Variants in FBXO34 observed in about 807,000 individuals in gnomAD.
FBXO34 encodes F-box only protein 34.
FBXO34 carries 12 observed loss-of-function variants against 24.5 expected under a neutral mutation model. The observed-to-expected ratio is 0.49, with a 90% CI of 0.31 to 0.79. The LOEUF (loss-of-function observed/expected upper bound fraction) is 0.79. Among genes scored for constraint, FBXO34 ranks in the 30% least tolerant of loss-of-function variants. The pLI is 0.04. For missense variants in FBXO34, 823 were observed against 857.7 expected (o/e 0.96, Z 0.51); for synonymous variants, 320 against 311.9 (o/e 1.03, Z -0.27).
At chr14:55,426,907 G>A in the FBXO34 span, among the ~76,000 whole-genome samples, 1 of 151,974 alleles carries the variant, frequency 6.6e-6, no homozygotes, top group Non-Finnish European at 1.5e-5. Context: ...GGAAGATGCT[G>A]GTGAAAAAGA....
At chr14:55,299,679 TTAAAA>T (rs1882279501) in intron 1 of FBXO34, among the ~76,000 whole-genome samples, 1 of 152,186 alleles carries the variant, frequency 6.6e-6, no homozygotes, top group East Asian at 1.9e-4. Flanking sequence ...ATCTAAAATA[TTAAAA>T]TAAATATTGA....
chr14:55,341,277 A>AT (rs1240750288), intron 1 of FBXO34, among the ~76,000 whole-genome samples: 2 of 152,138 alleles, frequency 1.3e-5, no homozygotes, highest in African/African-American at 4.8e-5. Context: ...CACCTGGGGG[A>AT]TGGTGGAAAA....
chr14:55,370,614 G>A (rs1388304941), downstream of FBXO34, among the ~76,000 whole-genome samples: 1 of 151,614 alleles, frequency 6.6e-6, no homozygotes, highest in Non-Finnish European at 1.5e-5. Context: ...AGGGAACCGA[G>A]TCAGCAAACC....
intron 1 of FBXO34, among the ~76,000 whole-genome samples, chr14:55,283,712 G>T (rs1485523810): frequency 6.6e-6 from 1 of 151,938 alleles, no homozygotes; most frequent in Non-Finnish European, 1.5e-5. Flanking sequence ...GCCTGCTTTG[G>T]CCTCCCAAAG....
chr14:55,405,046 T>C, the FBXO34 span, among the ~76,000 whole-genome samples: 1 of 152,204 alleles, frequency 6.6e-6, no homozygotes, highest in East Asian at 1.9e-4. Flanking sequence ...CAGATCCACA[T>C]TTTCTGGTGG....
At chr14:55,276,594 C>G (rs909296228) in intron 1 of FBXO34, among the ~76,000 whole-genome samples, 1 of 151,640 alleles carries the variant, frequency 6.6e-6, no homozygotes, top group Non-Finnish European at 1.5e-5. Flanking sequence ...TCTCTCGGCC[C>G]CGAGGAAGGG....
At chr14:55,415,681 A>G in the FBXO34 span, among the ~76,000 whole-genome samples, 1 of 152,120 alleles carries the variant, frequency 6.6e-6, no homozygotes, top group Non-Finnish European at 1.5e-5. Context: ...CCTGGCCAAC[A>G]CGGCGAAACC....
downstream of FBXO34, chr14:55,366,304 A>T (rs562698824): frequency 3.3e-5 from 5 of 152,778 alleles, no homozygotes; most frequent in South Asian, 2.1e-4. Flanking sequence ...ATTTGTATAA[A>T]GTACTCCAGG....
intron 1 of FBXO34, among the ~76,000 whole-genome samples, chr14:55,277,340 G>A (rs553453752): frequency 6.6e-6 from 1 of 152,248 alleles, no homozygotes; most frequent in South Asian, 2.1e-4. Flanking sequence ...TTTGTTTTTT[G>A]AGACAGTCTC....
the FBXO34 span, among the ~76,000 whole-genome samples, chr14:55,382,968 T>C: frequency 2.0e-5 from 3 of 152,232 alleles, no homozygotes; most frequent in Admixed American, 6.5e-5. Flanking sequence ...AACAAAAAAT[T>C]AGTAAAGAGT....
downstream of FBXO34, chr14:55,369,583 C>G (rs895673471): frequency 1.1e-5 from 16 of 1,456,462 alleles, no homozygotes; most frequent in Non-Finnish European, 1.5e-5. Context: ...GAAGAACTTT[C>G]TTGATGCAGA....
At chr14:55,354,976 A>T (rs199956323), downstream of FBXO34, 1 of 151,964 alleles carries the variant, frequency 6.6e-6, no homozygotes, top group South Asian at 2.1e-4. Flanking sequence ...TGCCCCCACC[A>T]AAAAAGAGAA....
intron 1 of FBXO34, among the ~76,000 whole-genome samples, chr14:55,289,293 C>G (rs1167827239): frequency 1.3e-5 from 2 of 152,014 alleles, no homozygotes; most frequent in African/African-American, 4.8e-5. Flanking sequence ...ACCTTCAAAT[C>G]ATTGAAATCT....
At chr14:55,428,937 G>A in the FBXO34 span, 4 of 1,614,114 alleles carry the variant, frequency 2.5e-6, no homozygotes, top group Non-Finnish European at 3.4e-6. Flanking sequence ...TGCACCACAC[G>A]AGCATATTTT....
At chr14:55,414,160 A>T in the FBXO34 span, 1 of 512,872 alleles carries the variant, frequency 1.9e-6, no homozygotes. Context: ...AATCTCTCAA[A>T]TTTTGAAATG....
chr14:55,369,944 G>C, downstream of FBXO34: 1 of 1,570,494 alleles, frequency 6.4e-7, no homozygotes, highest in Non-Finnish European at 8.7e-7. Context: ...AGACAATGAG[G>C]GTCTCTTTAG....
At chr14:55,403,820 T>C in the FBXO34 span, among the ~76,000 whole-genome samples, 2 of 152,214 alleles carry the variant, frequency 1.3e-5, no homozygotes. Flanking sequence ...GAGAGAATTT[T>C]CCTATTTCTA....
chr14:55,408,963 G>A, the FBXO34 span, among the ~76,000 whole-genome samples: 6 of 152,102 alleles, frequency 3.9e-5, no homozygotes, highest in African/African-American at 1.4e-4. Context: ...TGCAATGGGA[G>A]CCAATGAAAG....
chr14:55,299,194 C>G, intron 1 of FBXO34: 1 of 975,366 alleles, frequency 1.0e-6, no homozygotes. Context: ...AATGTTCCCT[C>G]TATAGCCCTA....
Sources: allele counts gnomAD v4.1 joint callset (sites outside exome capture counted in the v4.1 genomes callset), GRCh38; gene constraint gnomAD v4.1.1; transcripts MANE v1.5; gene names NCBI Gene and HGNC (gene_info 2026-07-23, HGNC 2026-07-21).